Variants in ANKFN1 observed in about 807,000 individuals in gnomAD.
The protein encoded by ANKFN1 is ankyrin repeat and fibronectin type-III domain-containing protein 1.
Under a neutral mutation model 108.7 loss-of-function variants are expected in ANKFN1, and 74 were observed. The observed-to-expected ratio is 0.68, with a 90% CI of 0.56 to 0.83. The LOEUF is 0.83. ANKFN1 is among the 40% of genes least tolerant of loss of function. The probability of loss-of-function intolerance (pLI) is 0.00; values close to 1 mark genes in which losing one functional copy is unlikely to be tolerated. For missense variants in ANKFN1, 1,505 were observed against 1,382.3 expected (o/e 1.09, Z -1.41); for synonymous variants, 547 against 516.2 (o/e 1.06, Z -0.81).
At chr17:56,359,923 G>C (rs2046471958) in intron 6 of ANKFN1, among the ~76,000 whole-genome samples, 1 of 152,142 alleles carries the variant, frequency 6.6e-6, no homozygotes, top group African/African-American at 2.4e-5. Context: ...GTCAGTTTAT[G>C]AGAAAATCTG....
At chr17:56,313,741 T>C (rs947163798) in intron 3 of ANKFN1, among the ~76,000 whole-genome samples, 5 of 152,244 alleles carry the variant, frequency 3.3e-5, no homozygotes, top group Admixed American at 1.3e-4. Flanking sequence ...TTCCAATTTC[T>C]CTGTAAGGTA....
intron 11 of ANKFN1, among the ~76,000 whole-genome samples, chr17:56,453,795 CTT>C (rs113373908): frequency 0.019 from 2,739 of 146,514 alleles, 53 homozygotes; most frequent in East Asian, 0.093. Flanking sequence ...GGTTGAAATC[CTT>C]TTTTTTTTTC....
chr17:56,466,408 A>T lies in ANKFN1; in HGVS notation c.1610A>T (p.Asp537Val). The T allele has an allele frequency of 6.2e-7, 1 of 1,614,206 alleles. No homozygotes were observed. Among genetic ancestry groups the T allele is most frequent in the Non-Finnish European group, 8.5e-7 (1 of 1,180,022 alleles). The part of the protein sequence containing the change: ...LGRVYYEPIK[D>V]RHGNILIVTI... ...AGAGTTTACTATGAGCCCATTAAAG[A>T]TCGACATGGAAACATACTCATAGTC... Residue 537 changes from aspartate to valine, a missense_variant, in exon 15 of 21, where the codon GAT becomes GTT. Transcript: ENST00000682825.
At chr17:56,391,366 A>ATGTG (rs1161608458) in intron 8 of ANKFN1, among the ~76,000 whole-genome samples, 26 of 77,524 alleles carry the variant, frequency 3.4e-4, no homozygotes, top group African/African-American at 7.0e-4. Flanking sequence ...ATACATATAT[A>ATGTG]TATGTGTGTG....
At chr17:56,124,139 G>A (rs1490939609) in intron 4 of ANKFN1, among the ~76,000 whole-genome samples, 4 of 152,178 alleles carry the variant, frequency 2.6e-5, no homozygotes, top group African/African-American at 9.7e-5. Flanking sequence ...TTCTGATTCA[G>A]TAGGTCTGGG....
chr17:56,313,317 A>T (rs189335754), intron 3 of ANKFN1, among the ~76,000 whole-genome samples: 4 of 152,308 alleles, frequency 2.6e-5, no homozygotes, highest in Admixed American at 2.6e-4. Context: ...ATGGAACAGT[A>T]TGTGCAAAGA....
In ANKFN1 at chr17:56,261,775, G is replaced by A. The variant is rs139494224; in HGVS notation, c.53+33818G>A. ...CAGCTGATTAGATGGTGCCCACCCG[G>A]ACTGAGAGTGGGTCTGCATCTCCCC... On this transcript the variant is annotated intron_variant, in intron 3 of 20. Coordinates refer to ENST00000682825, the MANE Select transcript of ANKFN1 (RefSeq NM_001370326.1). Among the ~76,000 whole-genome samples the A allele has an allele frequency of 1.7e-3, 255 of 152,290 alleles. 1 individual carries two copies. Among genetic ancestry groups the A allele is most frequent in the African/African-American group, 5.7e-3 (236 of 41,558 alleles).
At chr17:56,065,256 A>T (rs1289543454) in intron 4 of ANKFN1, among the ~76,000 whole-genome samples, 2 of 152,118 alleles carry the variant, frequency 1.3e-5, no homozygotes, top group Non-Finnish European at 2.9e-5. Flanking sequence ...AATTGAAGAG[A>T]GTTAGGGCCT....
chr17:56,404,948 A>G (rs2110202), intron 8 of ANKFN1, among the ~76,000 whole-genome samples: 83,719 of 152,106 alleles, frequency 0.55, 27,747 homozygotes, highest in East Asian at 0.95. Flanking sequence ...CTAGCAACCC[A>G]GAGAGTCTAC....
At chr17:56,162,467 T>A (rs759384538) in intron 1 of ANKFN1, among the ~76,000 whole-genome samples, 1 of 152,212 alleles carries the variant, frequency 6.6e-6, no homozygotes. Context: ...GTGTGGTCCT[T>A]CTTCCATACA....
chr17:56,308,239 A>AT (rs1191713490), intron 3 of ANKFN1, among the ~76,000 whole-genome samples: 1 of 61,232 alleles, frequency 1.6e-5, no homozygotes, highest in African/African-American at 4.6e-5. Context: ...AAGTATAATA[A>AT]AAAAAAAAAA....
chr17:56,181,931 C>G (rs888437865), intron 1 of ANKFN1, among the ~76,000 whole-genome samples: 2 of 152,072 alleles, frequency 1.3e-5, no homozygotes, highest in Admixed American at 6.6e-5. Flanking sequence ...AATATTTCAA[C>G]CTTTTTTGCT....
intron 4 of ANKFN1, among the ~76,000 whole-genome samples, chr17:56,117,400 G>T (rs1045283101): frequency 6.6e-6 from 1 of 152,152 alleles, no homozygotes; most frequent in African/African-American, 2.4e-5. Flanking sequence ...TGAGCTCACG[G>T]TAGTCATCAT....
chr17:56,187,419 TAA>T (rs1567824848), intron 1 of ANKFN1, among the ~76,000 whole-genome samples: 1 of 152,274 alleles, frequency 6.6e-6, no homozygotes, highest in Non-Finnish European at 1.5e-5. Context: ...TGGCGATCAT[TAA>T]AAAGTCAGGA....
chr17:56,344,651 C>T (rs1268818282), intron 4 of ANKFN1, among the ~76,000 whole-genome samples: 1 of 151,640 alleles, frequency 6.6e-6, no homozygotes, highest in African/African-American at 2.4e-5. Context: ...AATTACTAAT[C>T]TTTGTTTTTG....
intron 6 of ANKFN1, among the ~76,000 whole-genome samples, chr17:56,357,877 C>T (rs1292171454): frequency 6.6e-6 from 1 of 152,148 alleles, no homozygotes; most frequent in Admixed American, 6.6e-5. Flanking sequence ...TCCCTTGATC[C>T]TCACAACTGG....
intron 1 of ANKFN1, among the ~76,000 whole-genome samples, chr17:56,170,750 G>A (rs1204350833): frequency 1.5e-5 from 2 of 136,020 alleles, no homozygotes; most frequent in African/African-American, 2.9e-5. Context: ...GCTACAGGGT[G>A]AGACTCTGTC....
chr17:56,067,245 C>T (rs1439146782), intron 4 of ANKFN1, among the ~76,000 whole-genome samples: 1 of 151,932 alleles, frequency 6.6e-6, no homozygotes. Context: ...TATATATATA[C>T]CACATTTTGT....
intron 14 of ANKFN1, 77 bp from the exon 15 acceptor site, chr17:56,466,279 A>C: frequency 7.8e-7 from 1 of 1,279,138 alleles, no homozygotes; most frequent in Non-Finnish European, 1.1e-6. Context: ...ATTATTATTC[A>C]CGGTGTCTTT....
Sources: allele counts gnomAD v4.1 joint callset (sites outside exome capture counted in the v4.1 genomes callset), GRCh38; gene constraint gnomAD v4.1.1; transcripts MANE v1.5; gene names NCBI Gene and HGNC (gene_info 2026-07-23, HGNC 2026-07-21).